The following ENOX2 variants were observed in gnomAD, a reference collection of about 807,000 sequenced individuals.
The protein encoded by ENOX2 is APK1 antigen.
A neutral mutation model predicts 45.0 loss-of-function variants in ENOX2; 36 were observed. The ratio of observed to expected loss-of-function variants is 0.80; its 90% CI spans 0.61 to 1.06. The LOEUF is 1.06. Ranked by LOEUF, ENOX2 falls within the 50% of genes least tolerant of loss-of-function variation. The pLI, the probability that ENOX2 is intolerant of heterozygous loss-of-function variation, is 0.00. For synonymous variants in ENOX2, 174 were observed against 152.3 expected (o/e 1.14, Z -1.05); for missense variants, 423 against 462.5 (o/e 0.91, Z 0.78).
intron 3 of ENOX2, among the ~76,000 whole-genome samples, chrX:130,757,692 A>G (rs2039384669): frequency 9.0e-6 from 1 of 111,155 alleles, no homozygotes; most frequent in Non-Finnish European, 1.9e-5. Flanking sequence ...ATAATTATAG[A>G]TTCATCTGCA....
intron 2 of ENOX2, among the ~76,000 whole-genome samples, chrX:130,853,166 A>G (rs1386146982): frequency 9.2e-6 from 1 of 108,218 alleles, no homozygotes. Context: ...GGGCAGAGGG[A>G]AAAAAAAAGC....
intron 2 of ENOX2, among the ~76,000 whole-genome samples, chrX:130,833,349 A>G (rs2148489588): frequency 9.0e-6 from 1 of 111,456 alleles, no homozygotes; most frequent in Admixed American, 9.6e-5. Context: ...TCAAACTGTG[A>G]GACCAGACAG....
intron 10 of ENOX2, among the ~76,000 whole-genome samples, chrX:130,648,831 C>T (rs1008366289): frequency 1.9e-5 from 2 of 107,900 alleles, no homozygotes; most frequent in South Asian, 4.2e-4. Flanking sequence ...TGGTGGGTCA[C>T]GAGGTCAGGA....
intron 2 of ENOX2, among the ~76,000 whole-genome samples, chrX:130,825,185 A>G (rs973144364): frequency 1.8e-5 from 2 of 112,135 alleles, no homozygotes; most frequent in African/African-American, 6.5e-5. Flanking sequence ...TACAGCTGTT[A>G]AAATGAATGG....
intron 3 of ENOX2, among the ~76,000 whole-genome samples, chrX:130,781,703 G>A (rs896914641): frequency 8.9e-6 from 1 of 111,902 alleles, no homozygotes; most frequent in Non-Finnish European, 1.9e-5. Context: ...CACTCTATCC[G>A]TGGCAGGTTC....
intron 2 of ENOX2, among the ~76,000 whole-genome samples, chrX:130,886,224 G>A (rs1259795668): frequency 1.8e-5 from 2 of 112,558 alleles, no homozygotes; most frequent in African/African-American, 6.5e-5. Context: ...TCCAATTAAT[G>A]AGGAGCGAAA....
chrX:130,820,307 A>AT (rs1346757302), intron 2 of ENOX2, among the ~76,000 whole-genome samples: 1 of 112,573 alleles, frequency 8.9e-6, no homozygotes, highest in African/African-American at 3.2e-5. Context: ...AAGATGAAAG[A>AT]TAACATGTGT....
At chrX:130,685,213 G>A (rs2037415255) in intron 5 of ENOX2, among the ~76,000 whole-genome samples, 1 of 111,348 alleles carries the variant, frequency 9.0e-6, no homozygotes, top group Non-Finnish European at 1.9e-5. Flanking sequence ...ATGAAGGTCA[G>A]TGTGACCGGA....
intron 2 of ENOX2, among the ~76,000 whole-genome samples, chrX:130,797,058 T>G (rs1238306305): frequency 8.9e-6 from 1 of 111,911 alleles, no homozygotes; most frequent in African/African-American, 3.3e-5. Context: ...GCTGAATTCA[T>G]GAACATTTTC....
At chrX:130,876,491 G>C (rs2078704988) in intron 2 of ENOX2, among the ~76,000 whole-genome samples, 1 of 111,254 alleles carries the variant, frequency 9.0e-6, no homozygotes, top group Non-Finnish European at 1.9e-5. Flanking sequence ...GGAGATCTGG[G>C]TTTACTTATT....
At chrX:130,893,879 G>A (rs1185914594) in intron 2 of ENOX2, among the ~76,000 whole-genome samples, 2 of 111,698 alleles carry the variant, frequency 1.8e-5, no homozygotes. Flanking sequence ...TGACCAGCAC[G>A]TGCCTCAGCC....
At chrX:130,769,615 C>T (rs1047233467) in intron 3 of ENOX2, among the ~76,000 whole-genome samples, 2 of 111,568 alleles carry the variant, frequency 1.8e-5, no homozygotes, top group Non-Finnish European at 3.8e-5. Flanking sequence ...TTTCTAGTTA[C>T]CAGATGTACG....
At chrX:130,731,750 A>G (rs1318184390) in intron 3 of ENOX2, among the ~76,000 whole-genome samples, 3 of 112,368 alleles carry the variant, frequency 2.7e-5, no homozygotes, top group Non-Finnish European at 5.6e-5. Flanking sequence ...AAGAATAAAA[A>G]TCACATGATT....
At chrX:130,764,894 T>C (rs2039581352) in intron 3 of ENOX2, among the ~76,000 whole-genome samples, 1 of 111,794 alleles carries the variant, frequency 8.9e-6, no homozygotes, top group South Asian at 3.7e-4. Flanking sequence ...TCAGTAACTA[T>C]TAAATTTTAA....
intron 3 of ENOX2, among the ~76,000 whole-genome samples, chrX:130,727,564 C>CT (rs1461410926): frequency 3.6e-5 from 4 of 112,471 alleles, no homozygotes; most frequent in African/African-American, 1.3e-4. Context: ...TCTGTGACCT[C>CT]TTTTGCAATC....
chrX:130,707,127 A>G (rs2038057284), intron 3 of ENOX2, among the ~76,000 whole-genome samples: 2 of 112,278 alleles, frequency 1.8e-5, no homozygotes, highest in African/African-American at 6.5e-5. Context: ...CCTGAATCCT[A>G]CAATCACTGG....
At chrX:130,881,400 T>A (rs955527672) in intron 2 of ENOX2, among the ~76,000 whole-genome samples, 1 of 112,567 alleles carries the variant, frequency 8.9e-6, no homozygotes, top group African/African-American at 3.2e-5. Context: ...CATTTTTGCC[T>A]TTGAACAGTG....
chrX:130,773,038 T>A (rs2039777217), intron 3 of ENOX2, among the ~76,000 whole-genome samples: 1 of 112,538 alleles, frequency 8.9e-6, no homozygotes, highest in Non-Finnish European at 1.9e-5. Context: ...ACTGTCTTCT[T>A]TACTAGACTG....
At chrX:130,794,313 T>A (rs1603351786) in intron 2 of ENOX2, among the ~76,000 whole-genome samples, 1 of 112,642 alleles carries the variant, frequency 8.9e-6, no homozygotes, top group African/African-American at 3.2e-5. Flanking sequence ...GTTGTTCTAG[T>A]ATTGAAATTG....
Sources: gnomAD v4.1 joint callset for allele counts (sites outside exome capture counted in the v4.1 genomes callset) on GRCh38, gnomAD v4.1.1 for gene constraint, MANE v1.5 for transcripts, NCBI Gene and HGNC (gene_info 2026-07-23, HGNC 2026-07-21) for gene names.